Variants in MTF1 observed in about 807,000 individuals in gnomAD.
MTF1 encodes the protein MRE-binding transcription factor.
MTF1 carries 22 observed loss-of-function variants against 70.4 expected under a neutral mutation model. That is an observed-to-expected ratio of 0.31 (90% CI 0.22 to 0.45). The LOEUF is 0.45. Ranked by LOEUF, MTF1 falls within the 20% of genes least tolerant of loss-of-function variation. The probability of loss-of-function intolerance (pLI) is 1.00; values close to 1 mark genes in which losing one functional copy is unlikely to be tolerated. For missense variants in MTF1, 649 were observed against 922.0 expected (o/e 0.70, Z 3.83); for synonymous variants, 333 against 352.8 (o/e 0.94, Z 0.63).
intron 7 of MTF1, among the ~76,000 whole-genome samples, chr1:37,826,947 C>T (rs989359870): frequency 6.6e-6 from 1 of 152,152 alleles, no homozygotes; most frequent in Non-Finnish European, 1.5e-5. Context: ...CCACTGCACT[C>T]CAGCCTGGGT....
chr1:37,857,602 CTCA>C lies in MTF1; in HGVS notation c.54_56del (p.Asp18del). On this transcript the variant is annotated inframe_deletion, in exon 2 of 11. Coordinates refer to ENST00000373036, the MANE Select transcript of MTF1 (RefSeq NM_005955.3). ...TGAGCATTTTATCATCGGGGGTCAGCTCATCTTCCTCTGCCTCAAAGTAGATGA... is the reference window on the plus strand; with the variant it reads ...TGAGCATTTTATCATCGGGGGTCAGCTCTTCCTCTGCCTCAAAGTAGATGA... 6.2e-7 allele frequency: 1 copy of C among 1,614,162 alleles called. No homozygotes were observed.
intron 6 of MTF1, among the ~76,000 whole-genome samples, chr1:37,834,138 G>A (rs1025431656): frequency 6.6e-6 from 1 of 152,136 alleles, no homozygotes; most frequent in African/African-American, 2.4e-5. Flanking sequence ...CCCTGAGCCA[G>A]GGAGGTGGAG....
chr1:37,848,303 T>C (rs1318504050), intron 2 of MTF1, among the ~76,000 whole-genome samples: 19 of 152,198 alleles, frequency 1.2e-4, no homozygotes. Flanking sequence ...TATGAATAAA[T>C]CTCATTTAAT....
At position 37,828,037 on chromosome 1, in the gene MTF1, T is replaced by C. The variant is rs1569856879; in HGVS notation, c.1068+4208A>G. Among the ~76,000 whole-genome samples, 6 of 152,084 alleles carry C rather than the reference T, an allele frequency of 3.9e-5. No individual in the cohort carries two copies. In the East Asian group the frequency reaches 1.2e-3, roughly 29 times the overall value. On this transcript the variant is annotated intron_variant, in intron 7 of 10. Transcript: ENST00000373036. Reference sequence around the variant, plus strand: ...ATTTAGTGTATTGTGGTATATTCACTTAGTGTAATATTGTTCAACAAGAAG... The same window carrying C: ...ATTTAGTGTATTGTGGTATATTCACCTAGTGTAATATTGTTCAACAAGAAG...
intron 2 of MTF1, among the ~76,000 whole-genome samples, chr1:37,855,901 T>C (rs1170198268): frequency 6.6e-6 from 1 of 151,960 alleles, no homozygotes; most frequent in African/African-American, 2.4e-5. Context: ...GAGGTTGCAG[T>C]GAGCCAAGAT....
In MTF1 at chr1:37,822,375, C is replaced by T. The variant is rs756148545; in HGVS notation, c.1513G>A (p.Ala505Thr). The T allele has an allele frequency of 2.5e-6, 4 of 1,613,730 alleles. No individual in the cohort carries two copies. In the South Asian group the frequency reaches 4.4e-5, roughly 18 times the overall value. ...GCCACTGCCGCTGCTGATGCAGAAG[C>T]CCCAGCAACAACAGAAAGTCCTGGT... is the stretch of plus-strand genomic sequence containing the variant. ...IVPGLSVVAG[A>T]SASAAAVASA... Residue 505 changes from alanine (A) to threonine (T), a missense_variant, in exon 9 of 11, where the codon GCT becomes ACT. Physicochemically the swap from Ala to Thr is moderately conservative, Grantham distance 58 (BLOSUM62 0). This residue lies in a region of MTF1 where 267 missense variants were observed against 292.1 expected (regional missense o/e 0.91). Transcript: ENST00000373036.
At chr1:37,839,199 A>G (rs1641219295) in intron 3 of MTF1, among the ~76,000 whole-genome samples, 1 of 152,156 alleles carries the variant, frequency 6.6e-6, no homozygotes, top group Non-Finnish European at 1.5e-5. Context: ...ACATATTAGT[A>G]TCCAACATAT....
At chr1:37,835,332 G>T (rs1641150208) in intron 5 of MTF1, 117 bp from the exon 6 acceptor site, 2 of 870,394 alleles carry the variant, frequency 2.3e-6, no homozygotes, top group Non-Finnish European at 3.6e-6. Flanking sequence ...GGTAACAGTT[G>T]TTAAAAGTTC....
At chr1:37,837,900 T>C (rs1641195426) in intron 4 of MTF1, among the ~76,000 whole-genome samples, 1 of 152,216 alleles carries the variant, frequency 6.6e-6, no homozygotes, top group African/African-American at 2.4e-5. Context: ...ATTAAAAATG[T>C]CATATAATCA....
chr1:37,832,641 G>A (rs1289059744), intron 6 of MTF1, among the ~76,000 whole-genome samples: 3 of 151,888 alleles, frequency 2.0e-5, no homozygotes, highest in Non-Finnish European at 2.9e-5. Flanking sequence ...GCCCCACCCC[G>A]TGAATTAGTT....
At chr1:37,852,772 A>T (rs1222352357) in intron 2 of MTF1, among the ~76,000 whole-genome samples, 1 of 152,078 alleles carries the variant, frequency 6.6e-6, no homozygotes, top group African/African-American at 2.4e-5. Flanking sequence ...CTGGGACTAC[A>T]GGCATGCACC....
chr1:37,810,471 G>T lies in MTF1; in HGVS notation c.*4665C>A, dbSNP rs564064681. On this transcript the variant is annotated 3_prime_UTR_variant, in exon 11 of 11. Coordinates refer to ENST00000373036, the MANE Select transcript of MTF1 (RefSeq NM_005955.3). Reference sequence around the variant, plus strand: ...AGTGCAGACTGAGAAGCCCTCTCTTGAACAGGAGTAACAGTGAGAAATGCC... The same window carrying T: ...AGTGCAGACTGAGAAGCCCTCTCTTTAACAGGAGTAACAGTGAGAAATGCC... 6.6e-6 allele frequency: 1 copy of T among 152,134 alleles called. No individual in the cohort carries two copies. Among genetic ancestry groups the T allele is most frequent in the Admixed American group, 6.5e-5 (1 of 15,278 alleles). 9.4% of individuals were successfully genotyped at this position (152,134 alleles called of 1,614,324 possible).
intron 7 of MTF1, among the ~76,000 whole-genome samples, chr1:37,825,816 T>G (rs900679): frequency 6.6e-6 from 1 of 152,180 alleles, no homozygotes; most frequent in Non-Finnish European, 1.5e-5. Flanking sequence ...TTAACATTTT[T>G]TTTTTTCTAG....
In MTF1 at chr1:37,838,653, G is replaced by T; in HGVS notation, c.751C>A (p.Arg251=). 6.2e-7 allele frequency: 1 copy of T among 1,612,778 alleles called. No individual in the cohort carries two copies. The change falls in exon 4 of 11, where the codon CGA becomes AGA. Residue 251 remains arginine (R), a synonymous_variant. Transcript: ENST00000373036. ...AATGGCTTTTCCCCTGTATGAGTTC[G>T]AATGTGCTTCCTCAGATCACTGAGT... ...TTLSDLRKHI[R]THTGEKPFRC... is the part of the protein sequence containing the mutation.
chr1:37,820,761 A>G lies in MTF1; in HGVS notation c.1767+1360T>C, dbSNP rs575459449. ...CAGCACAAAGAATGGACCCTAAACT[A>G]TGGACTTTAGATAACAATAATGTAT... On this transcript the variant is annotated intron_variant, in intron 9 of 10. Coordinates refer to ENST00000373036, the MANE Select transcript of MTF1 (RefSeq NM_005955.3). Among the ~76,000 whole-genome samples the G allele has an allele frequency of 3.3e-5, 5 of 152,340 alleles. No individual in the cohort carries two copies. The South Asian group carries it at 1.0e-3, about 32-fold the overall frequency.
chr1:37,815,060 G>T lies in MTF1; in HGVS notation c.*76C>A. The T allele has an allele frequency of 1.6e-6, 2 of 1,218,452 alleles. No homozygotes were observed. The highest frequency in any genetic ancestry group is 1.4e-5 in the South Asian group (1 of 69,658). 75.5% of individuals were successfully genotyped at this position (1,218,452 alleles called of 1,614,324 possible). On this transcript the variant is annotated 3_prime_UTR_variant, in exon 11 of 11. Transcript: ENST00000373036. This position sits in a 1 kb window ranked among gnomAD's most constrained non-coding sequence, Gnocchi z 4.5. ...AGATTTCTTCATCCTTCAAATTTCT[G>T]ACCCATGATGGCAGGCATTGTACCT...
intron 7 of MTF1, among the ~76,000 whole-genome samples, chr1:37,830,619 C>T (rs538239759): frequency 6.6e-6 from 1 of 152,298 alleles, no homozygotes; most frequent in South Asian, 2.1e-4. Flanking sequence ...ATCATGTTTT[C>T]CTGTTTCTTC....
intron 4 of MTF1, 30 bp from the exon 5 acceptor site, chr1:37,835,774 G>C (rs1304461898): frequency 6.4e-7 from 1 of 1,555,112 alleles, no homozygotes; most frequent in South Asian, 1.1e-5. Context: ...AGAAACAGGA[G>C]TCATTAGCTA....
At chr1:37,827,769 A>G (rs1382665559) in intron 7 of MTF1, among the ~76,000 whole-genome samples, 1 of 152,230 alleles carries the variant, frequency 6.6e-6, no homozygotes, top group Non-Finnish European at 1.5e-5. Context: ...AAAACGAATG[A>G]GCTATATTTG....
Sources: gnomAD v4.1 joint callset for allele counts (sites outside exome capture counted in the v4.1 genomes callset) on GRCh38, gnomAD v4.1.1 for gene constraint, gnomAD v4.1.1 regional missense constraint, Gnocchi (gnomAD v3.1) non-coding constraint, MANE v1.5 for transcripts, NCBI Gene and HGNC (gene_info 2026-07-23, HGNC 2026-07-21) for gene names.